The following B3GALT1 variants were observed in gnomAD, a reference collection of about 807,000 sequenced individuals.
The protein encoded by B3GALT1 is UDP-Gal:betaGlcNAc beta 1,3-galactosyltransferase, polypeptide 1.
A neutral mutation model predicts 23.2 loss-of-function variants in B3GALT1; 10 were observed. The observed-to-expected ratio is 0.43, with a 90% confidence interval of 0.27 to 0.73. The LOEUF (loss-of-function observed/expected upper bound fraction) is 0.73. Ranked by LOEUF, B3GALT1 falls within the 30% of genes least tolerant of loss-of-function variation. The probability of loss-of-function intolerance (pLI) is 0.21; values close to 1 mark genes in which losing one functional copy is unlikely to be tolerated. For missense variants in B3GALT1, 299 were observed against 405.4 expected, an observed-to-expected ratio of 0.74 and a Z score of 2.25; for synonymous variants, 156 against 141.5, an observed-to-expected ratio of 1.10 and a Z score of -0.73.
chr2:167,503,880 G>A (rs1368693552), intron 2 of B3GALT1, among the ~76,000 whole-genome samples: 3 of 152,074 alleles, frequency 2.0e-5, no homozygotes, highest in Non-Finnish European at 4.4e-5. Context: ...CTGTATGCAT[G>A]GATTCCATTT....
intron 2 of B3GALT1, among the ~76,000 whole-genome samples, chr2:167,607,042 A>C (rs1373233635): frequency 6.6e-6 from 1 of 152,184 alleles, no homozygotes; most frequent in Non-Finnish European, 1.5e-5. Flanking sequence ...CTTGGTATGT[A>C]TCCCTGGATT....
intron 3 of B3GALT1, among the ~76,000 whole-genome samples, chr2:167,674,014 A>G (rs543425221): frequency 1.9e-4 from 29 of 152,230 alleles, no homozygotes; most frequent in Non-Finnish European, 3.4e-4. Flanking sequence ...TTGCTATTCT[A>G]TTTATTCATG....
In B3GALT1 at chr2:167,463,691, A is replaced by T. The variant is rs370924630; in HGVS notation, c.-510-26486A>T. On this transcript the variant is annotated intron_variant, in intron 1 of 4. Coordinates refer to ENST00000392690, the MANE Select transcript of B3GALT1 (RefSeq NM_020981.4). ...GCTTTCAAGATTATGTAAAAGTGGA[A>T]TTTAGAATTTCCAAAGTACTCCAGG... 4.5e-4 allele frequency among the ~76,000 whole-genome samples: 69 copies of T among 152,320 alleles called. No homozygotes were observed. The East Asian group carries it at 0.011, about 24-fold the overall frequency.
chr2:167,476,173 A>G (rs985808518), intron 1 of B3GALT1, among the ~76,000 whole-genome samples: 7 of 152,146 alleles, frequency 4.6e-5, no homozygotes, highest in African/African-American at 1.7e-4. Flanking sequence ...TCAACCCATA[A>G]CAACAATTCA....
chr2:167,561,521 GT>G (rs1683988256), intron 2 of B3GALT1, among the ~76,000 whole-genome samples: 1 of 151,954 alleles, frequency 6.6e-6, no homozygotes, highest in Non-Finnish European at 1.5e-5. Context: ...CCAGGAGCTG[GT>G]TTTTTGAAAG....
chr2:167,829,899 G>A (rs1244499415), intron 4 of B3GALT1, among the ~76,000 whole-genome samples: 1 of 152,178 alleles, frequency 6.6e-6, no homozygotes, highest in Non-Finnish European at 1.5e-5. Flanking sequence ...GAAATGGAGT[G>A]GTGGTCCTTC....
chr2:167,333,933 G>A (rs1232743104), intron 1 of B3GALT1, among the ~76,000 whole-genome samples: 1 of 151,924 alleles, frequency 6.6e-6, no homozygotes, highest in Non-Finnish European at 1.5e-5. Context: ...GGCTTAAGAA[G>A]CTTTTAAAAT....
chr2:167,865,646 G>C (rs1436688896), intron 4 of B3GALT1, among the ~76,000 whole-genome samples: 6 of 151,966 alleles, frequency 3.9e-5, no homozygotes, highest in Admixed American at 3.9e-4. Flanking sequence ...CAAAAAATTA[G>C]CCAGGCGTGG....
At chr2:167,754,450 C>T (rs368952300) in intron 3 of B3GALT1, among the ~76,000 whole-genome samples, 6 of 152,116 alleles carry the variant, frequency 3.9e-5, no homozygotes, top group African/African-American at 1.4e-4. Context: ...CCACGAAATA[C>T]CCCATGTATT....
intron 1 of B3GALT1, among the ~76,000 whole-genome samples, chr2:167,472,898 A>G (rs1399339742): frequency 2.0e-5 from 3 of 152,130 alleles, no homozygotes; most frequent in African/African-American, 7.2e-5. Context: ...TACATGTGGG[A>G]GAAGTCTAAA....
chr2:167,315,719 A>G lies in B3GALT1; in HGVS notation c.-511+22385A>G, dbSNP rs573684733. Among the ~76,000 whole-genome samples the G allele has an allele frequency of 1.4e-3, 215 of 152,290 alleles. 3 individuals carry two copies. The highest frequency in any genetic ancestry group is 0.01 in the Middle Eastern group (3 of 294). ...CAGTAAGTCGAGCAGAATTTACTCCATCTCACAGACCTGACTTCACAGTCT... is the reference window on the plus strand; with the variant it reads ...CAGTAAGTCGAGCAGAATTTACTCCGTCTCACAGACCTGACTTCACAGTCT... On this transcript the variant is annotated intron_variant, in intron 1 of 4. Coordinates refer to ENST00000392690, the MANE Select transcript of B3GALT1 (RefSeq NM_020981.4).
intron 3 of B3GALT1, among the ~76,000 whole-genome samples, chr2:167,731,164 A>T (rs940107497): frequency 2.0e-5 from 3 of 152,202 alleles, no homozygotes; most frequent in East Asian, 1.9e-4. Context: ...CTGCACACTG[A>T]CTAGCTGAAA....
intron 3 of B3GALT1, among the ~76,000 whole-genome samples, chr2:167,681,557 G>T (rs1380204221): frequency 1.3e-5 from 2 of 152,184 alleles, no homozygotes; most frequent in African/African-American, 4.8e-5. Context: ...ATTTTCCAGT[G>T]TAAAAATATA....
chr2:167,778,687 A>G (rs956159864), intron 3 of B3GALT1, among the ~76,000 whole-genome samples: 1 of 152,232 alleles, frequency 6.6e-6, no homozygotes, highest in Non-Finnish European at 1.5e-5. Context: ...TGTCCTTTTA[A>G]CAAACAGAAT....
chr2:167,354,496 G>A (rs1697368351), intron 1 of B3GALT1, among the ~76,000 whole-genome samples: 1 of 151,858 alleles, frequency 6.6e-6, no homozygotes, highest in African/African-American at 2.4e-5. Context: ...ACAGGCACGT[G>A]CCACCACGCC....
At chr2:167,788,692 G>A (rs1867825) in intron 3 of B3GALT1, among the ~76,000 whole-genome samples, 12,307 of 151,876 alleles carry the variant, frequency 0.081, 1,114 homozygotes, top group East Asian at 0.3. Flanking sequence ...GCCACAGACC[G>A]GTACCAGTCT....
intron 2 of B3GALT1, among the ~76,000 whole-genome samples, chr2:167,552,726 T>C (rs1683771137): frequency 6.6e-6 from 1 of 152,224 alleles, no homozygotes; most frequent in Non-Finnish European, 1.5e-5. Context: ...TTCATTCTGA[T>C]GTGGCTTTGA....
At chr2:167,440,966 C>T (rs1398237060) in intron 1 of B3GALT1, among the ~76,000 whole-genome samples, 1 of 151,876 alleles carries the variant, frequency 6.6e-6, no homozygotes, top group Non-Finnish European at 1.5e-5. Context: ...TTTGAGAATT[C>T]TAATGGAATA....
At chr2:167,663,639 T>G (rs908178763) in intron 3 of B3GALT1, among the ~76,000 whole-genome samples, 4 of 149,866 alleles carry the variant, frequency 2.7e-5, no homozygotes, top group Middle Eastern at 3.4e-3. Context: ...CCTGACTTTT[T>G]AATGATTGCC....
Sources: allele counts gnomAD v4.1 joint callset (sites outside exome capture counted in the v4.1 genomes callset), GRCh38; gene constraint gnomAD v4.1.1; transcripts MANE v1.5; gene names NCBI Gene and HGNC (gene_info 2026-07-23, HGNC 2026-07-21).